STAU1: variants seen among roughly 807,000 people sequenced by gnomAD.
STAU1 encodes double-stranded RNA-binding protein Staufen homolog 1.
In STAU1, 13 loss-of-function variants were observed where a neutral mutation model predicts 62.9. The observed-to-expected ratio is 0.21, with a 90% CI of 0.13 to 0.33. The LOEUF (loss-of-function observed/expected upper bound fraction) is 0.33. Among genes scored for constraint, STAU1 ranks in the 10% least tolerant of loss-of-function variants. The pLI is 1.00. For missense variants in STAU1, 571 were observed against 712.1 expected (o/e 0.80, Z 2.25); for synonymous variants, 269 against 265.1 (o/e 1.01, Z -0.14).
At chr20:49,154,868 T>C (rs988998079) in intron 3 of STAU1, among the ~76,000 whole-genome samples, 8 of 150,624 alleles carry the variant, frequency 5.3e-5, no homozygotes, top group Non-Finnish European at 8.8e-5. Flanking sequence ...GTGGATCACC[T>C]GAGGTCAGGA....
chr20:49,114,888 C>T lies in STAU1; in HGVS notation c.1724G>A (p.Gly575Glu), dbSNP rs2092276004. 1 of 1,613,274 alleles carries T rather than the reference C, an allele frequency of 6.2e-7. No individual in the cohort carries two copies. The highest frequency in any genetic ancestry group is 1.1e-5 in the South Asian group (1 of 91,000). Residue 575 changes from glycine to glutamate, a missense_variant, in exon 14 of 14, where the codon GGG (glycine) becomes GAG (glutamate). Transcript: ENST00000371856. ...RTGNGPMSVC[G>E]RC Reference sequence around the variant, plus strand: ...ATGGCCAGAAAAGGTTCAGCACCTCCCACACCTTTAAGGAAGAAAAATGAA... The same window carrying T: ...ATGGCCAGAAAAGGTTCAGCACCTCTCACACCTTTAAGGAAGAAAAATGAA...
At chr20:49,209,988 G>T in the STAU1 span, among the ~76,000 whole-genome samples, 1 of 152,140 alleles carries the variant, frequency 6.6e-6, no homozygotes, top group African/African-American at 2.4e-5. Flanking sequence ...GGCAGAGGTT[G>T]CAGTGAGCCG....
At position 49,117,935 on chromosome 20, in the gene STAU1, C is replaced by G; in HGVS notation, c.1351G>C (p.Val451Leu). ...RAAPNPAKAT[V>L]TAMIARELLY... ...AACTCTCGGGCTATCATGGCAGTTACCGTGGCCTTGGCAGGATTCGGAGCT... is the reference window on the plus strand; with the variant it reads ...AACTCTCGGGCTATCATGGCAGTTAGCGTGGCCTTGGCAGGATTCGGAGCT... The change falls in exon 11 of 14, where the codon GTA becomes CTA. Residue 451 changes from valine (V) to leucine (L), a missense_variant. Val to Leu is a conservative substitution (Grantham distance 32). Transcript: ENST00000371856. This position sits in a 1 kb window ranked among gnomAD's most constrained non-coding sequence, Gnocchi z 4.6. The G allele has an allele frequency of 6.2e-7, 1 of 1,614,184 alleles. No individual in the cohort carries two copies. The highest frequency in any genetic ancestry group is 8.5e-7 in the Non-Finnish European group (1 of 1,180,032).
At chr20:49,213,002 TTTTA>T in the STAU1 span, among the ~76,000 whole-genome samples, 6 of 151,954 alleles carry the variant, frequency 3.9e-5, no homozygotes, top group Admixed American at 3.9e-4. Flanking sequence ...TTTTATTTTA[TTTTA>T]TTTATTTATT....
At chr20:49,141,891 A>G (rs1486100300) in intron 5 of STAU1, among the ~76,000 whole-genome samples, 3 of 151,756 alleles carry the variant, frequency 2.0e-5, no homozygotes, top group African/African-American at 4.8e-5. Flanking sequence ...GTTTTTGAAA[A>G]CTCATATACC....
rs531595299 is a variant in STAU1 at position 49,170,896 on chromosome 20, A to G, written c.-85+3299T>C. On this transcript the variant is annotated intron_variant, in intron 2 of 13. Coordinates refer to ENST00000371856, the MANE Select transcript of STAU1 (RefSeq NM_017453.4). ...GTCTCCCCTTGCAAGTCCTTTGGTA[A>G]ATCTGATGTAAGATGGATATACAGA... is the stretch of plus-strand genomic sequence containing the variant. 1.7e-3 allele frequency among the ~76,000 whole-genome samples: 260 copies of G among 152,302 alleles called. 1 individual carries two copies. The highest frequency in any genetic ancestry group is 6.0e-3 in the African/African-American group (249 of 41,568).
chr20:49,157,537 T>C (rs2093380280), intron 3 of STAU1, among the ~76,000 whole-genome samples: 1 of 151,904 alleles, frequency 6.6e-6, no homozygotes, highest in South Asian at 2.1e-4. Context: ...TGGAGTGTAG[T>C]GGCATGATCT....
Position 49,135,554 on chromosome 20 carries a change from T to C in STAU1, c.609+279A>G, listed in dbSNP as rs1426268369. Among the ~76,000 whole-genome samples, 7 of 152,272 alleles carry C rather than the reference T, an allele frequency of 4.6e-5. No individual in the cohort carries two copies. In the South Asian group the frequency reaches 1.2e-3, roughly 27 times the overall value. On this transcript the variant is annotated intron_variant, in intron 6 of 13. Coordinates refer to ENST00000371856, the MANE Select transcript of STAU1 (RefSeq NM_017453.4). ...CCTTCCCTATCCAGAAGAATACACA[T>C]ATGAACACTAACACAACCATCTTCA...
intron 2 of STAU1, among the ~76,000 whole-genome samples, chr20:49,172,894 T>G (rs1373533210): frequency 1.3e-5 from 2 of 151,904 alleles, no homozygotes; most frequent in Non-Finnish European, 2.9e-5. Context: ...TTTTTTTTTT[T>G]TGAGATGGAG....
chr20:49,187,785 C>T (rs965050669), intron 1 of STAU1, among the ~76,000 whole-genome samples: 6 of 151,046 alleles, frequency 4.0e-5, no homozygotes, highest in African/African-American at 1.5e-4. Flanking sequence ...CCCCCCCCCC[C>T]CCCGCCTGCG....
At chr20:49,155,112 TG>T (rs2093337331) in intron 3 of STAU1, among the ~76,000 whole-genome samples, 1 of 151,226 alleles carries the variant, frequency 6.6e-6, no homozygotes, top group African/African-American at 2.4e-5. Context: ...ACACAATTCC[TG>T]CCCCAGAGGA....
intron 9 of STAU1, among the ~76,000 whole-genome samples, chr20:49,119,155 T>C (rs1480645699): frequency 6.6e-6 from 1 of 152,196 alleles, no homozygotes; most frequent in Non-Finnish European, 1.5e-5. Flanking sequence ...AGGTCCTGCT[T>C]ACCACTTCTG....
intron 5 of STAU1, among the ~76,000 whole-genome samples, chr20:49,139,592 A>G (rs1355085047): frequency 1.3e-5 from 2 of 151,616 alleles, no homozygotes; most frequent in Admixed American, 6.6e-5. Context: ...CGGGTGTGGT[A>G]GCAGACGTCT....
At chr20:49,144,589 T>C (rs923188645) in intron 5 of STAU1, among the ~76,000 whole-genome samples, 1 of 152,206 alleles carries the variant, frequency 6.6e-6, no homozygotes, top group Non-Finnish European at 1.5e-5. Context: ...AATGTCTTCC[T>C]CTGTCAATTC....
In STAU1 at chr20:49,187,104, C is replaced by G. The variant is rs182448215; in HGVS notation, c.-160+1012G>C. 1.1e-4 allele frequency among the ~76,000 whole-genome samples: 17 copies of G among 152,292 alleles called. No homozygotes were observed. In the East Asian group the frequency reaches 2.3e-3, roughly 21 times the overall value. ...AAATTTTTCCATCTCCGTACACCCC[C>G]CTTCAGAGCCCAACACACAGCAAGT... On this transcript the variant is annotated intron_variant, in intron 1 of 13. Coordinates refer to ENST00000371856, the MANE Select transcript of STAU1 (RefSeq NM_017453.4).
intron 1 of STAU1, among the ~76,000 whole-genome samples, chr20:49,184,821 T>C (rs2093768450): frequency 6.6e-6 from 1 of 152,174 alleles, no homozygotes; most frequent in Non-Finnish European, 1.5e-5. Context: ...TAGTCATAAC[T>C]AAAACATAAC....
chr20:49,206,420 T>C, the STAU1 span, among the ~76,000 whole-genome samples: 2,491 of 138,450 alleles, frequency 0.018, 30 homozygotes, highest in Middle Eastern at 0.064. Context: ...TCTGGTTTTT[T>C]TTTTTTTTTT....
At chr20:49,126,588 C>CAAAAAAAAAAACCAAAAAAAAAACAA in intron 6 of STAU1, among the ~76,000 whole-genome samples, 3 of 56,348 alleles carry the variant, frequency 5.3e-5, no homozygotes, top group East Asian at 7.8e-4. Context: ...AAAAAAAAAA[C>CAAAAAAAAAAACCAAAAAAAAAACAA]AAAAAAAAAA....
At chr20:49,136,112 T>TAAAACAAAAACA (rs112762845) in intron 5 of STAU1, among the ~76,000 whole-genome samples, 181 bp from the exon 6 acceptor site, 1,657 of 151,882 alleles carry the variant, frequency 0.011, 38 homozygotes, top group African/African-American at 0.037. Context: ...ACCTTGTCTC[T>TAAAACAAAAACA]AAAACAAAAA....
Sources: allele counts gnomAD v4.1 joint callset (sites outside exome capture counted in the v4.1 genomes callset), GRCh38; gene constraint gnomAD v4.1.1; non-coding constraint Gnocchi (gnomAD v3.1); transcripts MANE v1.5; gene names NCBI Gene and HGNC (gene_info 2026-07-23, HGNC 2026-07-21).